SVEP1: variants seen among roughly 807,000 people sequenced by gnomAD.
SVEP1 encodes the protein sushi, von Willebrand factor type A, EGF and pentraxin domain-containing protein 1.
Under a neutral mutation model 367.3 loss-of-function variants are expected in SVEP1, and 164 were observed. The ratio of observed to expected loss-of-function variants is 0.45; its 90% CI spans 0.39 to 0.51. SVEP1 has a LOEUF of 0.51. SVEP1 is among the 20% of genes least tolerant of loss of function. The probability of loss-of-function intolerance (pLI) is 0.00; values close to 1 mark genes in which losing one functional copy is unlikely to be tolerated. For synonymous variants in SVEP1, 1,666 were observed against 1,611.6 expected, an observed-to-expected ratio of 1.03 and a Z score of -0.81; for missense variants, 4,117 against 4,425.3, an observed-to-expected ratio of 0.93 and a Z score of 1.98.
At chr9:110,456,353 T>C (rs1429741457) in intron 21 of SVEP1, among the ~76,000 whole-genome samples, 1 of 152,216 alleles carries the variant, frequency 6.6e-6, no homozygotes, top group East Asian at 1.9e-4. Flanking sequence ...TGAGAACCAC[T>C]GTCCTATATT....
intron 43 of SVEP1, among the ~76,000 whole-genome samples, chr9:110,383,645 T>A (rs1827477401): frequency 6.6e-6 from 1 of 152,190 alleles, no homozygotes; most frequent in Admixed American, 6.5e-5. Context: ...GCAGGTAAAC[T>A]GTGCTGTGGG....
In SVEP1 at chr9:110,579,192, T is replaced by G. The variant is rs1229676384; in HGVS notation, c.352A>C (p.Thr118Pro). Reference protein sequence around the residue: ...KLLSDFPVVPTATRVAIVTFS... With the variant: ...KLLSDFPVVPPATRVAIVTFS... ...GTCACGATGGCCACGCGCGTGGCCGTGGGCACCACGGGGAAGTCGGACAGC... is the reference window on the plus strand; with the variant it reads ...GTCACGATGGCCACGCGCGTGGCCGGGGGCACCACGGGGAAGTCGGACAGC... Residue 118 changes from threonine to proline, a missense_variant, in exon 1 of 48, where the codon ACG (threonine) becomes CCG (proline). Thr to Pro is a conservative substitution (Grantham distance 38, BLOSUM62 -1). This residue lies in a region of SVEP1 where 2,174 missense variants were observed against 2,494.3 expected (regional missense o/e 0.87). Coordinates refer to ENST00000374469, the MANE Select transcript of SVEP1 (RefSeq NM_153366.4). The surrounding 1 kb of genome is among the most constrained non-coding windows in gnomAD (Gnocchi z 5.3). The G allele has an allele frequency of 6.4e-7, 1 of 1,570,468 alleles. No homozygotes were observed. The highest frequency in any genetic ancestry group is 8.6e-7 in the Non-Finnish European group (1 of 1,158,754).
At chr9:110,434,909 T>C (rs1284906312) in intron 29 of SVEP1, among the ~76,000 whole-genome samples, 1 of 151,956 alleles carries the variant, frequency 6.6e-6, no homozygotes, top group African/African-American at 2.4e-5. Context: ...TTCTACAAAT[T>C]ATAGAACCAA....
chr9:110,494,203 G>C (rs1222396175), intron 8 of SVEP1, among the ~76,000 whole-genome samples: 1 of 152,142 alleles, frequency 6.6e-6, no homozygotes, highest in Non-Finnish European at 1.5e-5. Context: ...GGATATCTTT[G>C]AGGTAGCCAT....
intron 40 of SVEP1, among the ~76,000 whole-genome samples, chr9:110,399,621 C>T (rs1183443497): frequency 1.3e-5 from 2 of 152,072 alleles, no homozygotes; most frequent in East Asian, 1.9e-4. Flanking sequence ...GCAACCTCTG[C>T]CTCCTGGGCT....
At chr9:110,393,103 A>C (rs1008412846) in intron 40 of SVEP1, among the ~76,000 whole-genome samples, 1 of 152,190 alleles carries the variant, frequency 6.6e-6, no homozygotes, top group Non-Finnish European at 1.5e-5. Context: ...TATTTCCACA[A>C]ATTTTTAAAT....
At chr9:110,430,597 A>G in intron 32 of SVEP1, 147 bp from the exon 33 acceptor site, 1 of 738,488 alleles carries the variant, frequency 1.4e-6, no homozygotes, top group South Asian at 2.0e-5. Context: ...GGGCCCAGAG[A>G]CACATTGGAC....
At chr9:110,566,505 T>A (rs1318565323) in intron 1 of SVEP1, among the ~76,000 whole-genome samples, 2 of 152,164 alleles carry the variant, frequency 1.3e-5, no homozygotes, top group African/African-American at 4.8e-5. Context: ...ACTTTTAACA[T>A]GTTAGTAGAA....
chr9:110,529,673 G>C (rs12351151), intron 3 of SVEP1, among the ~76,000 whole-genome samples: 2 of 152,030 alleles, frequency 1.3e-5, no homozygotes, highest in Non-Finnish European at 2.9e-5. Context: ...TTGATTGTTG[G>C]TGGTGGTGTA....
intron 36 of SVEP1, among the ~76,000 whole-genome samples, chr9:110,426,683 G>A (rs1828257903): frequency 6.6e-6 from 1 of 152,160 alleles, no homozygotes; most frequent in Admixed American, 6.5e-5. Flanking sequence ...CAGATGACCT[G>A]AGATTTAGCC....
chr9:110,525,461 T>C (rs774456160), intron 3 of SVEP1, among the ~76,000 whole-genome samples: 2 of 152,202 alleles, frequency 1.3e-5, no homozygotes, highest in African/African-American at 2.4e-5. Flanking sequence ...TGTTTGTGGA[T>C]TGGAAAGTTC....
At chr9:110,372,098 G>A (rs1388165912) in intron 46 of SVEP1, among the ~76,000 whole-genome samples, 1 of 152,128 alleles carries the variant, frequency 6.6e-6, no homozygotes, top group Admixed American at 6.6e-5. Context: ...CTATGGCTTT[G>A]GTTATCCTTT....
chr9:110,510,200 A>G (rs925667047), intron 5 of SVEP1, among the ~76,000 whole-genome samples: 1 of 152,222 alleles, frequency 6.6e-6, no homozygotes, highest in Admixed American at 6.5e-5. Flanking sequence ...ATAACTACAC[A>G]GAGGTAAAGC....
chr9:110,541,823 ATATATATCTATATACATAGATATC>A (rs1830151320), intron 3 of SVEP1, among the ~76,000 whole-genome samples: 4 of 142,000 alleles, frequency 2.8e-5, no homozygotes, highest in South Asian at 2.2e-4. Flanking sequence ...ATAGATATCT[ATATATATCTATATACATAGATATC>A]TATATATATC....
chr9:110,548,306 A>G (rs1359170354), intron 2 of SVEP1, among the ~76,000 whole-genome samples: 1 of 152,192 alleles, frequency 6.6e-6, no homozygotes, highest in Non-Finnish European at 1.5e-5. Flanking sequence ...ACTGAGGTTC[A>G]TAGTTGTTAA....
intron 1 of SVEP1, among the ~76,000 whole-genome samples, chr9:110,555,180 T>C (rs1830340584): frequency 1.3e-5 from 2 of 150,098 alleles, no homozygotes; most frequent in African/African-American, 4.9e-5. Flanking sequence ...AAGCAAGACA[T>C]TAAAAACGTG....
At chr9:110,529,571 G>T (rs1231933329) in intron 3 of SVEP1, among the ~76,000 whole-genome samples, 1 of 150,290 alleles carries the variant, frequency 6.7e-6, no homozygotes, top group Admixed American at 6.7e-5. Context: ...TGTAGAGATG[G>T]TTCACCTCCT....
intron 9 of SVEP1, among the ~76,000 whole-genome samples, chr9:110,486,161 T>C (rs1480393981): frequency 1.3e-5 from 2 of 152,192 alleles, no homozygotes; most frequent in East Asian, 3.8e-4. Context: ...TCAGTGTACT[T>C]TGAGAATGCT....
At chr9:110,518,074 CTACATTTTCTAGTTTTGT>C (rs1829829088) in intron 3 of SVEP1, among the ~76,000 whole-genome samples, 1 of 152,022 alleles carries the variant, frequency 6.6e-6, no homozygotes, top group African/African-American at 2.4e-5. Context: ...TTTTGCTGAT[CTACATTTTCTAGTTTTGT>C]TACAATGAAT....
Sources: allele counts gnomAD v4.1 joint callset (sites outside exome capture counted in the v4.1 genomes callset), GRCh38; gene constraint gnomAD v4.1.1; regional missense constraint gnomAD v4.1.1; non-coding constraint Gnocchi (gnomAD v3.1); transcripts MANE v1.5; gene names NCBI Gene and HGNC (gene_info 2026-07-23, HGNC 2026-07-21).